Variants in INTS1 observed in about 807,000 individuals in gnomAD.
The protein encoded by INTS1 is integrator complex subunit 1.
A neutral mutation model predicts 241.6 loss-of-function variants in INTS1; 137 were observed. The ratio of observed to expected loss-of-function variants is 0.57; its 90% CI spans 0.49 to 0.65. The LOEUF (loss-of-function observed/expected upper bound fraction) is 0.65, where lower values mean the gene tolerates loss of function less well. Among genes scored for constraint, INTS1 ranks in the 30% least tolerant of loss-of-function variants. INTS1 has a pLI of 0.00. For synonymous variants in INTS1, 1,692 were observed against 1,337.8 expected, an observed-to-expected ratio of 1.26 and a Z score of -5.78; for missense variants, 3,073 against 3,032.2, an observed-to-expected ratio of 1.01 and a Z score of -0.32.
chr7:1,484,050 C>T lies in INTS1; in HGVS notation c.3382G>A (p.Val1128Met), dbSNP rs200985889. ...TCCTTGCTCTGCCGCATGCGCCTCACGTAGCGTGAGAAGATGGACAACAGA... is the reference window on the plus strand; with the variant it reads ...TCCTTGCTCTGCCGCATGCGCCTCATGTAGCGTGAGAAGATGGACAACAGA... ...SALLSIFSRY[V>M]RRMRQSKEGE... Residue 1128 changes from valine to methionine, a missense_variant, in exon 25 of 48, where the codon GTG becomes ATG. Physicochemically the swap from Val to Met is conservative, Grantham distance 21 (BLOSUM62 1). Transcript: ENST00000404767. The T allele has an allele frequency of 2.4e-4, 393 of 1,612,216 alleles. No individual in the cohort carries two copies. The highest frequency in any genetic ancestry group is 1.3e-4 in the African/African-American group (10 of 74,928).
intron 6 of INTS1, 37 bp from the exon 7 acceptor site, chr7:1,499,397 C>T (rs771515632): frequency 5.2e-6 from 8 of 1,531,922 alleles, no homozygotes; most frequent in African/African-American, 1.4e-5. Flanking sequence ...CAGCGCCTCC[C>T]ACCCGCCCAT....
intron 14 of INTS1, chr7:1,494,340 G>A: frequency 3.9e-6 from 1 of 254,050 alleles, no homozygotes; most frequent in African/African-American, 2.2e-5. Flanking sequence ...GGTGGGGGCA[G>A]GGTGAACTGG....
chr7:1,476,267 C>T lies in INTS1; in HGVS notation c.5340G>A (p.Thr1780=), dbSNP rs777018738. 3 of 1,573,662 alleles carry T rather than the reference C, an allele frequency of 1.9e-6. No individual in the cohort carries two copies. Among genetic ancestry groups the T allele is most frequent in the Non-Finnish European group, 2.6e-6 (3 of 1,161,258 alleles). The change falls in exon 38 of 48, where the codon ACG becomes ACA. Residue 1780 remains threonine (T), a synonymous_variant. Coordinates refer to ENST00000404767, the MANE Select transcript of INTS1 (RefSeq NM_001080453.3). ...GCTGGATGCAGCCTGACAGGTGCTCCGTCACCTTCCTGACACTCTCATCGT... is the reference window on the plus strand; with the variant it reads ...GCTGGATGCAGCCTGACAGGTGCTCTGTCACCTTCCTGACACTCTCATCGT... ...CGDDESVRKV[T]EHLSGCIQQW...
chr7:1,495,177 G>A (rs1344914353), intron 13 of INTS1, among the ~76,000 whole-genome samples: 1 of 152,220 alleles, frequency 6.6e-6, no homozygotes, highest in African/African-American at 2.4e-5. Flanking sequence ...CCCCAACCAA[G>A]GCAGAGGCTC....
chr7:1,478,079 T>A, intron 33 of INTS1, 143 bp from the exon 34 acceptor site: 2 of 758,306 alleles, frequency 2.6e-6, no homozygotes, highest in East Asian at 2.6e-5. Flanking sequence ...GAGAGGAGAG[T>A]GCAGCCGGGG....
Position 1,483,992 on chromosome 7 carries a change from C to T in INTS1, c.3429+11G>A. 6.2e-7 allele frequency: 1 copy of T among 1,603,966 alleles called. No individual in the cohort carries two copies. Among genetic ancestry groups the T allele is most frequent in the Non-Finnish European group, 8.5e-7 (1 of 1,174,628 alleles). On this transcript the variant is annotated intron_variant, in intron 25 of 47. Coordinates refer to ENST00000404767, the MANE Select transcript of INTS1 (RefSeq NM_001080453.3). ...TCGCCCTCACCCGGCCGTAGACCTC[C>T]TCGCCCTCACCCAGCTGTAGACCTC...
chr7:1,476,502 G>GGATAGGCCACCCCCTCTCCCA (rs1781727877), intron 37 of INTS1, 47 bp from the exon 38 acceptor site: 2 of 1,599,406 alleles, frequency 1.3e-6, no homozygotes, highest in African/African-American at 2.7e-5. Context: ...CGCCTCTCCC[G>GGATAGGCCACCCCCTCTCCCA]GATGGGCCAC....
In INTS1 at chr7:1,476,058, G is replaced by A. The variant is rs563449443; in HGVS notation, c.5392C>T (p.Arg1798Cys). The A allele has an allele frequency of 5.7e-5, 88 of 1,543,924 alleles. No individual in the cohort carries two copies. In the South Asian group the frequency reaches 8.7e-4, roughly 15 times the overall value. Residue 1798 changes from arginine to cysteine, a missense_variant, in exon 39 of 48, where the codon CGC becomes TGC. Physicochemically the swap from Arg to Cys is radical, Grantham distance 180. Coordinates refer to ENST00000404767, the MANE Select transcript of INTS1 (RefSeq NM_001080453.3). ...AGCTGCAGGAGAAGGTCTCGGCAGCGCCTGCCCAGCACGCTGGAAGAGGTG... is the reference window on the plus strand; with the variant it reads ...AGCTGCAGGAGAAGGTCTCGGCAGCACCTGCCCAGCACGCTGGAAGAGGTG... Reference protein sequence around the residue: ...QQWGDSVLGRRCRDLLLQLYL... With the variant: ...QQWGDSVLGRCCRDLLLQLYL...
chr7:1,481,264 C>T lies in INTS1; in HGVS notation c.3850+78G>A, dbSNP rs990439786. On this transcript the variant is annotated intron_variant, in intron 28 of 47. Coordinates refer to ENST00000404767, the MANE Select transcript of INTS1 (RefSeq NM_001080453.3). The surrounding 1 kb of genome is among the most constrained non-coding windows in gnomAD (Gnocchi z 6.8). ...ACCTCGGATCACCCACCCGCTCGCA[C>T]CCAGGCCCCAAAAGCCTGGCCGGGC... is the stretch of plus-strand genomic sequence containing the variant. 1.3e-6 allele frequency: 2 copies of T among 1,554,312 alleles called. No homozygotes were observed. The highest frequency in any genetic ancestry group is 8.8e-7 in the Non-Finnish European group (1 of 1,134,082).
Position 1,497,391 on chromosome 7 carries a change from C to T in INTS1, c.1426-77G>A. On this transcript the variant is annotated intron_variant, in intron 10 of 47. Coordinates refer to ENST00000404767, the MANE Select transcript of INTS1 (RefSeq NM_001080453.3). This position sits in a 1 kb window ranked among gnomAD's most constrained non-coding sequence, Gnocchi z 5.3. ...CACAGGCCCCTTCCCGCAGCACCAACAGGTATGGCGCCCGAGGGCGCTGCA... is the reference window on the plus strand; with the variant it reads ...CACAGGCCCCTTCCCGCAGCACCAATAGGTATGGCGCCCGAGGGCGCTGCA... 1 of 1,479,702 alleles carries T rather than the reference C, an allele frequency of 6.8e-7. No homozygotes were observed. The highest frequency in any genetic ancestry group is 9.1e-7 in the Non-Finnish European group (1 of 1,101,760). 91.7% of individuals were successfully genotyped at this position (1,479,702 alleles called of 1,614,324 possible). A position where few individuals can be genotyped will look rare whatever the true frequency, so the allele number is the denominator to read the frequency against.
At position 1,483,803 on chromosome 7, in the gene INTS1, GGCTGTCTCCCC is replaced by G; in HGVS notation, c.3469_3479del (p.Gly1157HisfsTer57). The G allele has an allele frequency of 6.2e-7, 1 of 1,612,554 alleles. No individual in the cohort carries two copies. Among genetic ancestry groups the G allele is most frequent in the Non-Finnish European group, 8.5e-7 (1 of 1,179,680 alleles). ...CATGGACCACGAGGATGTGCATGGT[GGCTGTCTCCCC>G]GCTGCTCCAGCGTAGGAAGACCTGG... On this transcript the variant is annotated frameshift_variant, in exon 26 of 48. Coordinates refer to ENST00000404767, the MANE Select transcript of INTS1 (RefSeq NM_001080453.3). LOFTEE classifies it high-confidence loss of function.
At position 1,498,752 on chromosome 7, in the gene INTS1, C is replaced by T. The variant is rs777366321; in HGVS notation, c.1238G>A (p.Arg413His). 1 of 1,572,134 alleles carries T rather than the reference C, an allele frequency of 6.4e-7. No individual in the cohort carries two copies. The highest frequency in any genetic ancestry group is 8.6e-7 in the Non-Finnish European group (1 of 1,158,860). The change falls in exon 9 of 48, where the codon CGC becomes CAC. Residue 413 changes from arginine to histidine, a missense_variant. By Grantham distance (29) the Arg-to-His change is conservative. Coordinates refer to ENST00000404767, the MANE Select transcript of INTS1 (RefSeq NM_001080453.3). Reference sequence around the variant, plus strand: ...GTTGAGGAGGACCTTGGGCTTGAGGCGGATCTTGATCAGGTGTGAGATGAC... The same window carrying T: ...GTTGAGGAGGACCTTGGGCTTGAGGTGGATCTTGATCAGGTGTGAGATGAC... ...MDVISHLIKI[R>H]LKPKVLLNHF... is the part of the protein sequence containing the mutation.
chr7:1,473,321 G>A (rs775164856), intron 42 of INTS1, 137 bp from the exon 43 acceptor site: 13 of 706,156 alleles, frequency 1.8e-5, no homozygotes, highest in South Asian at 8.9e-5. Flanking sequence ...AGGGAGGGCC[G>A]GGCGGGGAAG....
chr7:1,495,258 C>T (rs1782787606), intron 13 of INTS1, among the ~76,000 whole-genome samples, 175 bp downstream of exon 13: 1 of 152,168 alleles, frequency 6.6e-6, no homozygotes, highest in African/African-American at 2.4e-5. Context: ...AGAGAGGGGA[C>T]AGACTCCCGT....
At chr7:1,501,336 C>T (rs1307221936) in intron 3 of INTS1, 1 of 151,732 alleles carries the variant, frequency 6.6e-6, no homozygotes, top group East Asian at 1.9e-4. Context: ...AATACATATC[C>T]ACACACATGT....
chr7:1,470,838 G>T lies in INTS1; in HGVS notation c.6457+8C>A, dbSNP rs759839020. ...TGCCAGGGCCCTGGGCGGGGGGCCA[G>T]TCCTCACCTTGGCACAGGAGAGCGT... On this transcript the variant is annotated splice_region_variant and intron_variant, in intron 47 of 47. Coordinates refer to ENST00000404767, the MANE Select transcript of INTS1 (RefSeq NM_001080453.3). 1 of 1,577,392 alleles carries T rather than the reference G, an allele frequency of 6.3e-7. No individual in the cohort carries two copies. Among genetic ancestry groups the T allele is most frequent in the South Asian group, 1.2e-5 (1 of 86,518 alleles).
chr7:1,478,915 C>A (rs781372215), intron 31 of INTS1, 30 bp from the exon 32 acceptor site: 4 of 1,579,822 alleles, frequency 2.5e-6, no homozygotes, highest in Non-Finnish European at 3.5e-6. Flanking sequence ...CGTGGCTACC[C>A]TGGCAGAGGA....
chr7:1,479,413 G>A lies in INTS1; in HGVS notation c.4329+17C>T. ...CTCACTGCCCTCCTCCCCCGCAAGA[G>A]GCCCACGCCCAAGTACCTGGTACTG... On this transcript the variant is annotated intron_variant, in intron 31 of 47. Coordinates refer to ENST00000404767, the MANE Select transcript of INTS1 (RefSeq NM_001080453.3). 3.2e-6 allele frequency: 5 copies of A among 1,562,000 alleles called. No homozygotes were observed. Among genetic ancestry groups the A allele is most frequent in the Non-Finnish European group, 4.3e-6 (5 of 1,153,886 alleles).
rs748325442 is a variant in INTS1 at position 1,485,158 on chromosome 7, C to A, written c.3201G>T (p.Leu1067=). The change falls in exon 24 of 48, where the codon CTG becomes CTT. Residue 1067 remains leucine (L), a synonymous_variant. Coordinates refer to ENST00000404767, the MANE Select transcript of INTS1 (RefSeq NM_001080453.3). ...CAGGCGTGTGCTGGGACAAGTAGAT[C>A]AGGTAGGCGCTGATGGTCTGGGGAT... ...ETDPQTISAY[L]IYLSQHTPVE... 6 of 1,600,918 alleles carry A rather than the reference C, an allele frequency of 3.7e-6. No homozygotes were observed. Among genetic ancestry groups the A allele is most frequent in the Non-Finnish European group, 5.1e-6 (6 of 1,179,644 alleles).
Sources: gnomAD v4.1 joint callset for allele counts (sites outside exome capture counted in the v4.1 genomes callset) on GRCh38, gnomAD v4.1.1 for gene constraint, Gnocchi (gnomAD v3.1) non-coding constraint, MANE v1.5 for transcripts, NCBI Gene and HGNC (gene_info 2026-07-23, HGNC 2026-07-21) for gene names.